The following JMJD8 variants were observed in gnomAD, a reference collection of about 807,000 sequenced individuals.
JMJD8 encodes the protein jumonji domain containing 8, also known as jmjC domain-containing protein 8.
JMJD8 carries 56 observed loss-of-function variants against 37.6 expected under a neutral mutation model. The ratio of observed to expected loss-of-function variants is 1.49; its 90% CI spans 1.20 to 1.86. The LOEUF (loss-of-function observed/expected upper bound fraction) is 1.86, where lower values mean the gene tolerates loss of function less well. Among genes scored for constraint, JMJD8 ranks in the 40% most tolerant of loss-of-function variants. The probability of loss-of-function intolerance (pLI) is 0.00; values close to 1 mark genes in which losing one functional copy is unlikely to be tolerated. For synonymous variants in JMJD8, 261 were observed against 163.7 expected (o/e 1.59, Z -4.54); for missense variants, 542 against 362.7 (o/e 1.49, Z -4.01).
Position 682,952 on chromosome 16 carries a change from C to T in JMJD8, c.714+1G>A, listed in dbSNP as rs1220064543. 3.7e-6 allele frequency: 6 copies of T among 1,612,068 alleles called. No individual in the cohort carries two copies. The highest frequency in any genetic ancestry group is 2.7e-5 in the African/African-American group (2 of 74,908). ...CTGGCCCTCTCCTGCCAGCCACTGA[C>T]CTCACCAGCCCGGATGGTACACTCC... On this transcript the variant is annotated splice_donor_variant, in intron 8 of 8. Transcript: ENST00000609261. LOFTEE classifies it high-confidence loss of function.
Position 682,829 on chromosome 16 carries a change from C to A in JMJD8, c.760G>T (p.Asp254Tyr). The change falls in exon 9 of 9, where the codon GAC (aspartate) becomes TAC (tyrosine). Residue 254 changes from aspartate (D) to tyrosine (Y), a missense_variant. By Grantham distance (160) the Asp-to-Tyr change is radical. Transcript: ENST00000609261. ...DRWWHATLNL[D>Y]TSVFISTFLG The stretch of plus-strand genomic sequence containing the variant: ...AAGGTGGAGATGAAGACGCTGGTGT[C>A]AAGGTTGAGCGTAGCATGCCACCAG... 3 of 1,612,990 alleles carry A rather than the reference C, an allele frequency of 1.9e-6. No homozygotes were observed. The highest frequency in any genetic ancestry group is 1.1e-5 in the South Asian group (1 of 91,036).
rs779718428 is a variant in JMJD8, at chr16:683,546, G to A, written c.375C>T (p.Pro125=). ...YVEQLLHPQD[P]TSLGNDTLYF... is the part of the protein sequence containing the mutation. ...CTGCCTCACCATTGCCCAGGGAGGT[G>A]GGGTCCTGGGGGTGCAGCAGCTGCT... The change falls in exon 5 of 9, where the codon CCC becomes CCT. Residue 125 remains proline (P), a synonymous_variant. Transcript: ENST00000609261. 8.3e-6 allele frequency: 13 copies of A among 1,564,572 alleles called. No individual in the cohort carries two copies. In the Admixed American group the frequency reaches 2.1e-4, roughly 25 times the overall value.
rs79318927 is a variant in JMJD8 at position 682,755 on chromosome 16, G to A, written c.*39C>T. ...AAAATCCGTGAGCACGAGGTGGGAC[G>A]TGCTGGTGTGTGACCGGCAGTCCTG... On this transcript the variant is annotated 3_prime_UTR_variant, in exon 9 of 9. Coordinates refer to ENST00000609261, the MANE Select transcript of JMJD8 (RefSeq NM_001005920.4). The A allele has an allele frequency of 7.0e-5, 112 of 1,601,324 alleles. No homozygotes were observed. The Middle Eastern group carries it at 1.7e-3, about 24-fold the overall frequency.
rs1596552001 is a variant in JMJD8 at position 682,153 on chromosome 16, C to T, written c.*641G>A. ...CCTTTTCAGCCTCTGACCGTGTGCCCCTGTGCCACAGAAGCGAGACATCCC... is the reference window on the plus strand; with the variant it reads ...CCTTTTCAGCCTCTGACCGTGTGCCTCTGTGCCACAGAAGCGAGACATCCC... On this transcript the variant is annotated 3_prime_UTR_variant, in exon 9 of 9. Transcript: ENST00000609261. The T allele has an allele frequency of 1.9e-6, 3 of 1,600,780 alleles. No homozygotes were observed. Among genetic ancestry groups the T allele is most frequent in the Non-Finnish European group, 2.6e-6 (3 of 1,169,366 alleles).
At position 683,970 on chromosome 16, in the gene JMJD8, C is replaced by G. The variant is rs1013739504; in HGVS notation, c.177-61G>C. The G allele has an allele frequency of 6.4e-6, 10 of 1,555,606 alleles. No homozygotes were observed. In the African/African-American group the frequency reaches 9.5e-5, roughly 15 times the overall value. ...CGCCAGCCTCGCCGCCCCAGCCCCA[C>G]GCGTGCGCGCGAGGTCAGGGGAAGG... On this transcript the variant is annotated intron_variant, in intron 2 of 8. Coordinates refer to ENST00000609261, the MANE Select transcript of JMJD8 (RefSeq NM_001005920.4).
In JMJD8 at chr16:682,673, G is replaced by A; in HGVS notation, c.*121C>T. On this transcript the variant is annotated 3_prime_UTR_variant, in exon 9 of 9. Coordinates refer to ENST00000609261, the MANE Select transcript of JMJD8 (RefSeq NM_001005920.4). ...CCGTGATCGTCCCCCTTTGTGGGCT[G>A]GAAAAGCAGGTGAGGGTGGGCTGGG... The A allele has an allele frequency of 4.2e-6, 6 of 1,417,128 alleles. No homozygotes were observed. Among genetic ancestry groups the A allele is most frequent in the Non-Finnish European group, 5.8e-6 (6 of 1,034,788 alleles). The allele number at this position is 1,417,128 out of a possible 1,614,324, so 87.8% of individuals were successfully genotyped here. A position where few individuals can be genotyped will look rare whatever the true frequency, so the allele number is the denominator to read the frequency against.
In JMJD8 at chr16:683,848, G is replaced by A; in HGVS notation, c.225+13C>T. 4 of 1,584,346 alleles carry A rather than the reference G, an allele frequency of 2.5e-6. No individual in the cohort carries two copies. The highest frequency in any genetic ancestry group is 1.1e-5 in the South Asian group (1 of 87,144). On this transcript the variant is annotated intron_variant, in intron 3 of 8. Coordinates refer to ENST00000609261, the MANE Select transcript of JMJD8 (RefSeq NM_001005920.4). ...GGGCGAGAGTGGCCGGGGACGGACG[G>A]GCACGCGCTCACCGAGTTGTCCGTG...
At position 682,964 on chromosome 16, in the gene JMJD8, G is replaced by C. The variant is rs148865703; in HGVS notation, c.703C>G (p.Arg235Gly). 3.1e-6 allele frequency: 5 copies of C among 1,612,998 alleles called. No individual in the cohort carries two copies. The highest frequency in any genetic ancestry group is 4.2e-6 in the Non-Finnish European group (5 of 1,179,718). The change falls in exon 8 of 9, where the codon CGG (arginine) becomes GGG (glycine). Residue 235 changes from arginine to glycine, a missense_variant. Arg to Gly is a moderately radical substitution (Grantham distance 125). Transcript: ENST00000609261. ...PSARPLECTI[R>G]AGEVLYFPDR... ...TGCCAGCCACTGACCTCACCAGCCCGGATGGTACACTCCAGGGGCCGTGCA... is the reference window on the plus strand; with the variant it reads ...TGCCAGCCACTGACCTCACCAGCCCCGATGGTACACTCCAGGGGCCGTGCA...
chr16:681,808 C>A lies in JMJD8; in HGVS notation c.*986G>T. 1 of 1,601,228 alleles carries A rather than the reference C, an allele frequency of 6.2e-7. No individual in the cohort carries two copies. Among genetic ancestry groups the A allele is most frequent in the Non-Finnish European group, 8.5e-7 (1 of 1,171,468 alleles). On this transcript the variant is annotated 3_prime_UTR_variant, in exon 9 of 9. Coordinates refer to ENST00000609261, the MANE Select transcript of JMJD8 (RefSeq NM_001005920.4). Reference sequence around the variant, plus strand: ...CAACCCCCAGGGAGCTGGAAGAGTGCCAGCGAAACCACGAGGGTGATGAGG... The same window carrying A: ...CAACCCCCAGGGAGCTGGAAGAGTGACAGCGAAACCACGAGGGTGATGAGG...
chr16:683,032 G>C lies in JMJD8; in HGVS notation c.635C>G (p.Thr212Arg). The change falls in exon 8 of 9, where the codon ACG (threonine) becomes AGG (arginine). Residue 212 changes from threonine to arginine, a missense_variant. Coordinates refer to ENST00000609261, the MANE Select transcript of JMJD8 (RefSeq NM_001005920.4). ...KTPEFHPNKT[T>R]LAWLRDTYPA... ...GTATGTGTCCCGGAGCCAGGCCAGC[G>C]TGGTCTTGTTGGGGTGGAACTCTGG... The C allele has an allele frequency of 6.2e-7, 1 of 1,613,578 alleles. No individual in the cohort carries two copies. The highest frequency in any genetic ancestry group is 8.5e-7 in the Non-Finnish European group (1 of 1,179,884).
Position 682,863 on chromosome 16 carries a change from G to A in JMJD8, c.726C>T (p.Phe242=), listed in dbSNP as rs2039734983. The part of the protein sequence containing the change: ...CTIRAGEVLY[F]PDRWWHATLN... ...GCGTAGCATGCCACCAGCGGTCGGG[G>A]AAGTACAGCACCTGGTGGAGGAAGG... The change falls in exon 9 of 9, where the codon TTC becomes TTT. Residue 242 remains phenylalanine, a synonymous_variant. Transcript: ENST00000609261. 2.5e-6 allele frequency: 4 copies of A among 1,613,082 alleles called. No homozygotes were observed. Among genetic ancestry groups the A allele is most frequent in the South Asian group, 2.2e-5 (2 of 91,072 alleles).
In JMJD8 at chr16:682,304, C is replaced by T; in HGVS notation, c.*490G>A. 7.4e-6 allele frequency: 12 copies of T among 1,612,592 alleles called. No homozygotes were observed. Among genetic ancestry groups the T allele is most frequent in the Middle Eastern group, 1.6e-4 (1 of 6,062 alleles). On this transcript the variant is annotated 3_prime_UTR_variant, in exon 9 of 9. Transcript: ENST00000609261. The stretch of plus-strand genomic sequence containing the variant: ...CAGGTGAGGCCTGCGGCTGGGGGAG[C>T]AGGGCCAGTGGCATGGTCCTGGGCC...
In JMJD8 at chr16:683,844, G is replaced by C; in HGVS notation, c.225+17C>G. ...GCACGGGCGAGAGTGGCCGGGGACG[G>C]ACGGGCACGCGCTCACCGAGTTGTC... On this transcript the variant is annotated intron_variant, in intron 3 of 8. Coordinates refer to ENST00000609261, the MANE Select transcript of JMJD8 (RefSeq NM_001005920.4). 1 of 1,584,428 alleles carries C rather than the reference G, an allele frequency of 6.3e-7. No individual in the cohort carries two copies. Among genetic ancestry groups the C allele is most frequent in the Non-Finnish European group, 8.6e-7 (1 of 1,167,720 alleles).
Position 681,759 on chromosome 16 carries a change from G to C in JMJD8, c.*1035C>G. ...GGGGTGTGGTCAGACATCTGGCCAG[G>C]TCCATCTCTGACCGGCTCCTGGTCA... On this transcript the variant is annotated 3_prime_UTR_variant, in exon 9 of 9. Coordinates refer to ENST00000609261, the MANE Select transcript of JMJD8 (RefSeq NM_001005920.4). 6.4e-7 allele frequency: 1 copy of C among 1,571,498 alleles called. No homozygotes were observed.
At position 683,320 on chromosome 16, in the gene JMJD8, A is replaced by T. The variant is rs1217393388; in HGVS notation, c.511+2T>A. On this transcript the variant is annotated splice_donor_variant, in intron 6 of 8. Transcript: ENST00000609261. LOFTEE classifies it high-confidence loss of function. ...TCCTTCCCAGTCCCAAGAAGCACCC[A>T]CCTGCGATTCCAAAGCTGTAAGCTG... 2 of 1,596,278 alleles carry T rather than the reference A, an allele frequency of 1.3e-6. No individual in the cohort carries two copies. The highest frequency in any genetic ancestry group is 4.5e-5 in the East Asian group (2 of 44,088).
In JMJD8 at chr16:683,390, AAG is replaced by A. The variant is rs767022246; in HGVS notation, c.441_442del (p.Phe148SerfsTer45). The A allele has an allele frequency of 7.0e-5, 109 of 1,555,164 alleles. No individual in the cohort carries two copies. The highest frequency in any genetic ancestry group is 9.0e-5 in the Non-Finnish European group (104 of 1,149,182). ...AAATGGGGGTGGGGAGTAGTGCCGA[AAG>A]AGAGAGGCCCACTCGGTGAAGTTGT... On this transcript the variant is annotated frameshift_variant, in exon 6 of 9. Coordinates refer to ENST00000609261, the MANE Select transcript of JMJD8 (RefSeq NM_001005920.4). LOFTEE classifies it high-confidence loss of function.
chr16:682,806 G>A lies in JMJD8; in HGVS notation c.783C>T (p.Thr261=), dbSNP rs770502953. Residue 261 remains threonine, a synonymous_variant, in exon 9 of 9, where the codon ACC becomes ACT. Coordinates refer to ENST00000609261, the MANE Select transcript of JMJD8 (RefSeq NM_001005920.4). Reference sequence around the variant, plus strand: ...CCAGCTGTTTTGGCTAGCCGAGGAAGGTGGAGATGAAGACGCTGGTGTCAA... The same window carrying A: ...CCAGCTGTTTTGGCTAGCCGAGGAAAGTGGAGATGAAGACGCTGGTGTCAA... ...LNLDTSVFIS[T]FLG 12 of 1,612,866 alleles carry A rather than the reference G, an allele frequency of 7.4e-6. No individual in the cohort carries two copies. Among genetic ancestry groups the A allele is most frequent in the East Asian group, 2.2e-5 (1 of 44,896 alleles).
In JMJD8 at chr16:682,276, C is replaced by T. The variant is rs2039696815; in HGVS notation, c.*518G>A. 6.4e-7 allele frequency: 1 copy of T among 1,574,694 alleles called. No individual in the cohort carries two copies. Among genetic ancestry groups the T allele is most frequent in the African/African-American group, 1.7e-5 (1 of 58,114 alleles). On this transcript the variant is annotated 3_prime_UTR_variant, in exon 9 of 9. Coordinates refer to ENST00000609261, the MANE Select transcript of JMJD8 (RefSeq NM_001005920.4). ...CGACCGCAAGGACATCGAGGAGCAC[C>T]TGCAGGTGAGGCCTGCGGCTGGGGG...
At position 683,088 on chromosome 16, in the gene JMJD8, C is replaced by T. The variant is rs757814043; in HGVS notation, c.580-1G>A. 4.3e-6 allele frequency: 7 copies of T among 1,613,574 alleles called. No homozygotes were observed. Among genetic ancestry groups the T allele is most frequent in the Non-Finnish European group, 5.9e-6 (7 of 1,179,870 alleles). Reference sequence around the variant, plus strand: ...TCTCAGGTGGGTAAAGGAACCAGCGCTGGGGGCATGAGCAGCAGTGTCACC... The same window carrying T: ...TCTCAGGTGGGTAAAGGAACCAGCGTTGGGGGCATGAGCAGCAGTGTCACC... On this transcript the variant is annotated splice_acceptor_variant, in intron 7 of 8. Coordinates refer to ENST00000609261, the MANE Select transcript of JMJD8 (RefSeq NM_001005920.4). LOFTEE classifies it high-confidence loss of function.
Sources: allele counts gnomAD v4.1 joint callset, GRCh38; gene constraint gnomAD v4.1.1; transcripts MANE v1.5; gene names NCBI Gene and HGNC (gene_info 2026-07-23, HGNC 2026-07-21).